The following XKR4 variants were observed in gnomAD, a reference collection of about 807,000 sequenced individuals.
XKR4 encodes XK-related protein 4.
Under a neutral mutation model 53.9 loss-of-function variants are expected in XKR4, and 12 were observed. The ratio of observed to expected loss-of-function variants is 0.22; its 90% CI spans 0.14 to 0.36. XKR4 has a LOEUF of 0.36. XKR4 is among the 10% of genes least tolerant of loss of function. The pLI, the probability that XKR4 is intolerant of heterozygous loss-of-function variation, is 1.00. For missense variants in XKR4, 799 were observed against 859.5 expected, an observed-to-expected ratio of 0.93 and a Z score of 0.88; for synonymous variants, 354 against 362.4, an observed-to-expected ratio of 0.98 and a Z score of 0.26.
chr8:55,369,453 G>A (rs1042794059), intron 2 of XKR4, among the ~76,000 whole-genome samples: 10 of 133,854 alleles, frequency 7.5e-5, no homozygotes, highest in South Asian at 2.7e-4. Context: ...AAGGAGGAAC[G>A]GGAGGGAAAG....
chr8:55,449,807 T>A (rs1805403667), intron 2 of XKR4: 2 of 1,206,182 alleles, frequency 1.7e-6, no homozygotes, highest in East Asian at 4.7e-5. Context: ...GAAGGCCCCC[T>A]TCTTGTACAG....
chr8:55,429,909 G>A (rs971163899), intron 2 of XKR4, among the ~76,000 whole-genome samples: 7 of 151,924 alleles, frequency 4.6e-5, no homozygotes, highest in African/African-American at 1.7e-4. Flanking sequence ...CTCATATCTA[G>A]AAAATATAAA....
chr8:55,280,638 A>G (rs895136921), intron 1 of XKR4, among the ~76,000 whole-genome samples: 5 of 152,216 alleles, frequency 3.3e-5, no homozygotes, highest in East Asian at 1.9e-4. Flanking sequence ...TTACTTTGGC[A>G]TAACCATTTA....
chr8:55,469,251 C>G (rs1046630887), intron 2 of XKR4, among the ~76,000 whole-genome samples: 6 of 152,104 alleles, frequency 3.9e-5, no homozygotes, highest in Non-Finnish European at 7.3e-5. Context: ...AACACTGTAG[C>G]CAGGTTGACA....
chr8:55,220,673 C>T (rs1817869647), intron 1 of XKR4, among the ~76,000 whole-genome samples: 1 of 152,164 alleles, frequency 6.6e-6, no homozygotes, highest in Non-Finnish European at 1.5e-5. Context: ...CTCTCAAACC[C>T]AGCCAGTTTG....
chr8:55,355,180 AG>A (rs1209056040), intron 1 of XKR4, among the ~76,000 whole-genome samples: 5 of 152,080 alleles, frequency 3.3e-5, no homozygotes, highest in Non-Finnish European at 7.4e-5. Flanking sequence ...CTGGGATTAC[AG>A]GTGTGAGCCA....
intron 1 of XKR4, among the ~76,000 whole-genome samples, chr8:55,116,497 C>A (rs927952091): frequency 1.3e-5 from 2 of 152,100 alleles, no homozygotes; most frequent in Non-Finnish European, 1.5e-5. Flanking sequence ...ATTTGTCTTC[C>A]TACGTGAGAA....
rs76286379 is a variant in XKR4, at chr8:55,127,161, G to A, written c.806+23867G>A. ...TTTTCACCTATTCTCGTATGAGCCA[G>A]CTAAAATGCCCCCCAAAAGAAGTGT... On this transcript the variant is annotated intron_variant, in intron 1 of 2. Transcript: ENST00000327381. Among the ~76,000 whole-genome samples the A allele has an allele frequency of 3.9e-3, 586 of 151,962 alleles. 6 individuals are homozygous for A. Among genetic ancestry groups the A allele is most frequent in the African/African-American group, 0.014 (564 of 41,456 alleles).
intron 1 of XKR4, among the ~76,000 whole-genome samples, chr8:55,185,530 T>C (rs2129360336): frequency 6.6e-6 from 1 of 152,354 alleles, no homozygotes; most frequent in South Asian, 2.1e-4. Context: ...GCCTTCTTGC[T>C]AGCATACCTG....
intron 2 of XKR4, among the ~76,000 whole-genome samples, chr8:55,380,857 G>A (rs1032164335): frequency 3.9e-5 from 6 of 152,226 alleles, no homozygotes; most frequent in African/African-American, 1.4e-4. Flanking sequence ...ACACTGAAAA[G>A]GTGATGTATG....
intron 2 of XKR4, chr8:55,452,963 AC>A: frequency 1.3e-6 from 1 of 745,950 alleles, no homozygotes; most frequent in Admixed American, 1.8e-5. Flanking sequence ...GCTGCTTCTC[AC>A]CGCTCAGGGA....
intron 1 of XKR4, among the ~76,000 whole-genome samples, chr8:55,175,241 G>T (rs967447961): frequency 5.3e-5 from 8 of 152,124 alleles, no homozygotes; most frequent in South Asian, 2.1e-4. Context: ...GGCTAAAGAG[G>T]TTTCAAAGAT....
chr8:55,455,198 C>T, intron 2 of XKR4: 1 of 460,524 alleles, frequency 2.2e-6, no homozygotes, highest in Non-Finnish European at 4.1e-6. Context: ...GCGCTCATGG[C>T]CCGGGCCTGG....
intron 1 of XKR4, among the ~76,000 whole-genome samples, chr8:55,289,016 G>A (rs1818946128): frequency 6.6e-6 from 1 of 152,130 alleles, no homozygotes; most frequent in Non-Finnish European, 1.5e-5. Context: ...TTGCCAAGTA[G>A]TGCACCATGG....
At chr8:55,343,874 A>T (rs1803594608) in intron 1 of XKR4, among the ~76,000 whole-genome samples, 2 of 152,226 alleles carry the variant, frequency 1.3e-5, no homozygotes, top group Admixed American at 1.3e-4. Flanking sequence ...TTATAATGAG[A>T]CAATAATGTG....
At chr8:55,304,093 G>T (rs1175807739) in intron 1 of XKR4, among the ~76,000 whole-genome samples, 3 of 151,996 alleles carry the variant, frequency 2.0e-5, no homozygotes, top group Middle Eastern at 3.4e-3. Flanking sequence ...GTGACGTTAG[G>T]GTGTCGATTT....
intron 2 of XKR4, among the ~76,000 whole-genome samples, chr8:55,510,339 C>T (rs12675602): frequency 1.3e-5 from 2 of 152,156 alleles, no homozygotes; most frequent in East Asian, 3.9e-4. Context: ...AGCGGGAAGG[C>T]GCAATTCTGG....
chr8:55,378,591 T>C (rs1054872758), intron 2 of XKR4, among the ~76,000 whole-genome samples: 3 of 152,188 alleles, frequency 2.0e-5, no homozygotes, highest in Non-Finnish European at 4.4e-5. Context: ...TCATAGACAT[T>C]GGTAATATTT....
intron 2 of XKR4, among the ~76,000 whole-genome samples, chr8:55,398,996 A>G (rs183002569): frequency 9.8e-5 from 15 of 152,366 alleles, no homozygotes; most frequent in African/African-American, 3.4e-4. Flanking sequence ...TCAAAAGTTT[A>G]GTATTCATCA....
Sources: gnomAD v4.1 joint callset for allele counts (sites outside exome capture counted in the v4.1 genomes callset) on GRCh38, gnomAD v4.1.1 for gene constraint, MANE v1.5 for transcripts, NCBI Gene and HGNC (gene_info 2026-07-23, HGNC 2026-07-21) for gene names.